Variants in RFC3 observed in about 807,000 individuals in gnomAD.
RFC3 encodes the protein A1 38 kDa subunit.
In RFC3, 41 loss-of-function variants were observed where a neutral mutation model predicts 45.1. The observed-to-expected ratio is 0.91, with a 90% CI of 0.71 to 1.18. The LOEUF is 1.18. RFC3 is among the 50% of genes most tolerant of loss of function. The pLI is 0.00. For missense variants in RFC3, 423 were observed against 428.1 expected (o/e 0.99, Z 0.10); for synonymous variants, 149 against 144.0 (o/e 1.03, Z -0.25).
At chr13:33,908,641 C>CAT (rs2082686404) in intron 8 of RFC3, among the ~76,000 whole-genome samples, 1 of 150,864 alleles carries the variant, frequency 6.6e-6, no homozygotes, top group Non-Finnish European at 1.5e-5. Context: ...CACACACACA[C>CAT]ACACACACGC....
intron 8 of RFC3, among the ~76,000 whole-genome samples, chr13:33,859,805 G>A (rs2082329391): frequency 2.6e-5 from 4 of 152,168 alleles, no homozygotes; most frequent in African/African-American, 9.6e-5. Context: ...CCTCAATGGT[G>A]GATAAATGAC....
chr13:33,879,663 A>T (rs1168123140), intron 8 of RFC3, among the ~76,000 whole-genome samples: 1 of 152,268 alleles, frequency 6.6e-6, no homozygotes, highest in Non-Finnish European at 1.5e-5. Flanking sequence ...TACATCAATT[A>T]TATTGACTTT....
chr13:33,894,475 A>G (rs942231822), intron 8 of RFC3, among the ~76,000 whole-genome samples: 7 of 152,172 alleles, frequency 4.6e-5, no homozygotes, highest in African/African-American at 1.7e-4. Context: ...GTGATTCATG[A>G]TATAATCTCG....
intron 8 of RFC3, among the ~76,000 whole-genome samples, chr13:33,851,689 GT>G (rs1309846551): frequency 9.2e-5 from 14 of 152,048 alleles, no homozygotes; most frequent in Non-Finnish European, 1.5e-5. Flanking sequence ...TCAAACCCAT[GT>G]TTTTCAGGGG....
chr13:33,820,580 G>A (rs2081992612), intron 1 of RFC3, among the ~76,000 whole-genome samples: 1 of 152,086 alleles, frequency 6.6e-6, no homozygotes, highest in Non-Finnish European at 1.5e-5. Flanking sequence ...TCCCTGTTTC[G>A]CATCCCCACT....
At chr13:33,965,583 G>A (rs1294701038) in intron 8 of RFC3, among the ~76,000 whole-genome samples, 3 of 152,122 alleles carry the variant, frequency 2.0e-5, no homozygotes, top group Non-Finnish European at 4.4e-5. Context: ...TTCCTCACAC[G>A]GGTATTGTGA....
exon 9 of RFC3, chr13:33,966,429 C>T: frequency 2.5e-6 from 1 of 403,702 alleles, no homozygotes; most frequent in South Asian, 5.2e-5. Context: ...GAATGGGGAC[C>T]ATGGAAGTTT....
Position 33,966,226 on chromosome 13 carries a change from C to A in RFC3, c.*101C>A, listed in dbSNP as rs935255032. The A allele has an allele frequency of 6.9e-6, 6 of 869,830 alleles. No individual in the cohort carries two copies. The African/African-American group carries it at 9.9e-5, about 14-fold the overall frequency. The allele number at this position is 869,830 out of a possible 1,614,324, so 53.9% of individuals were successfully genotyped here. ...CACTTTGCTCTGAATGTCCTGACAC[C>A]TGCTTCAGAGCTCAAGATTCAGACT... On this transcript the variant is annotated 3_prime_UTR_variant, in exon 9 of 9. Coordinates refer to the RFC3 transcript ENST00000434425.
At chr13:33,911,461 A>G (rs1888049) in intron 8 of RFC3, among the ~76,000 whole-genome samples, 42,069 of 151,968 alleles carry the variant, frequency 0.28, 8,717 homozygotes, top group African/African-American at 0.56. Context: ...ACCCGTCTTA[A>G]TCCATTTTGT....
chr13:33,892,459 C>G (rs1430417815), intron 8 of RFC3, among the ~76,000 whole-genome samples: 4 of 152,158 alleles, frequency 2.6e-5, no homozygotes, highest in African/African-American at 9.7e-5. Flanking sequence ...CATTCCAAAG[C>G]TGGGTATTGG....
At chr13:33,948,401 A>G (rs75661244) in intron 8 of RFC3, among the ~76,000 whole-genome samples, 2,461 of 152,334 alleles carry the variant, frequency 0.016, 71 homozygotes, top group African/African-American at 0.055. Context: ...TTCAGGCACA[A>G]GTTTGCTTCA....
chr13:33,973,807 C>A, the RFC3 span, among the ~76,000 whole-genome samples: 8 of 151,944 alleles, frequency 5.3e-5, no homozygotes. Context: ...TGCACCATCA[C>A]GCCTGGCTAA....
At chr13:33,894,714 TC>T (rs1172677149) in intron 8 of RFC3, among the ~76,000 whole-genome samples, 1 of 152,162 alleles carries the variant, frequency 6.6e-6, no homozygotes, top group African/African-American at 2.4e-5. Flanking sequence ...CTGCAGGTGT[TC>T]CTGGATAATC....
intron 8 of RFC3, among the ~76,000 whole-genome samples, chr13:33,888,475 A>ACT (rs10653444): frequency 0.11 from 17,449 of 152,148 alleles, 2,042 homozygotes; most frequent in African/African-American, 0.3. Flanking sequence ...AATATCTATG[A>ACT]CTATTTCTCA....
intron 8 of RFC3, among the ~76,000 whole-genome samples, chr13:33,933,891 T>C (rs2082869241): frequency 6.6e-6 from 1 of 151,026 alleles, no homozygotes; most frequent in African/African-American, 2.4e-5. Flanking sequence ...TGTAATTTAA[T>C]GTGAGAGTAA....
chr13:33,873,458 A>G (rs1313462045), intron 8 of RFC3, among the ~76,000 whole-genome samples: 3 of 152,218 alleles, frequency 2.0e-5, no homozygotes, highest in Non-Finnish European at 2.9e-5. Flanking sequence ...TTATTATTAT[A>G]CCAGAAATTT....
At chr13:33,828,104 A>G (rs1026135150) in intron 4 of RFC3, among the ~76,000 whole-genome samples, 2 of 152,162 alleles carry the variant, frequency 1.3e-5, no homozygotes, top group Non-Finnish European at 2.9e-5. Context: ...GCCATGATCA[A>G]GCTACTGCAC....
chr13:33,961,920 C>A lies in RFC3; in HGVS notation c.880-4167C>A, dbSNP rs74363095. On this transcript the variant is annotated intron_variant, in intron 8 of 8. Transcript: ENST00000434425. Reference sequence around the variant, plus strand: ...ACAAATAAAGGCTATACCGTGAAATCTTTTCCTCTGTAAGAATTTTAGCAA... The same window carrying A: ...ACAAATAAAGGCTATACCGTGAAATATTTTCCTCTGTAAGAATTTTAGCAA... Among the ~76,000 whole-genome samples the A allele has an allele frequency of 4.4e-3, 671 of 152,298 alleles. 8 individuals carry two copies. The highest frequency in any genetic ancestry group is 0.015 in the African/African-American group (638 of 41,568).
At chr13:33,853,718 GT>G (rs2082291608) in intron 8 of RFC3, among the ~76,000 whole-genome samples, 1 of 152,170 alleles carries the variant, frequency 6.6e-6, no homozygotes, top group East Asian at 1.9e-4. Flanking sequence ...GGAAATACAT[GT>G]TTGTTGTTAC....
Sources: gnomAD v4.1 joint callset for allele counts (sites outside exome capture counted in the v4.1 genomes callset) on GRCh38, gnomAD v4.1.1 for gene constraint, MANE v1.5 for transcripts, NCBI Gene and HGNC (gene_info 2026-07-23, HGNC 2026-07-21) for gene names.